The following HPSE2 variants were observed in gnomAD, a reference collection of about 807,000 sequenced individuals.
The protein encoded by HPSE2 is inactive heparanase-2.
A neutral mutation model predicts 60.5 loss-of-function variants in HPSE2; 38 were observed. That is an observed-to-expected ratio of 0.63 (90% CI 0.48 to 0.82). The LOEUF (loss-of-function observed/expected upper bound fraction) is 0.82, where lower values mean the gene tolerates loss of function less well. Ranked by LOEUF, HPSE2 falls within the 40% of genes least tolerant of loss-of-function variation. The pLI is 0.00. For missense variants in HPSE2, 713 were observed against 740.4 expected (o/e 0.96, Z 0.43); for synonymous variants, 295 against 293.2 (o/e 1.01, Z -0.06).
intron 3 of HPSE2, among the ~76,000 whole-genome samples, chr10:99,001,943 T>A (rs555073508): frequency 6.6e-6 from 1 of 152,202 alleles, no homozygotes; most frequent in Admixed American, 6.5e-5. Flanking sequence ...TCTGTTGCAG[T>A]GAATTAACTC....
the HPSE2 span, among the ~76,000 whole-genome samples, chr10:99,273,039 T>C: frequency 6.6e-6 from 1 of 152,114 alleles, no homozygotes; most frequent in Non-Finnish European, 1.5e-5. Context: ...AATCAGCAAG[T>C]GGATAAAGAA....
At chr10:98,547,369 G>A (rs560994322) in intron 9 of HPSE2, among the ~76,000 whole-genome samples, 17 of 150,158 alleles carry the variant, frequency 1.1e-4, no homozygotes, top group South Asian at 2.1e-4. Context: ...TGTTTATGGC[G>A]CCATTATTCA....
intron 3 of HPSE2, among the ~76,000 whole-genome samples, chr10:98,884,154 C>T (rs528899148): frequency 6.6e-6 from 1 of 152,250 alleles, no homozygotes; most frequent in South Asian, 2.1e-4. Context: ...AGAGCAAGGC[C>T]TTACCTCTCT....
At chr10:98,746,425 A>G (rs921914116) in intron 3 of HPSE2, among the ~76,000 whole-genome samples, 2 of 151,748 alleles carry the variant, frequency 1.3e-5, no homozygotes, top group African/African-American at 4.9e-5. Context: ...ACTATTCAAC[A>G]TCATTAATAC....
chr10:98,770,243 G>T (rs1393428702), intron 3 of HPSE2, among the ~76,000 whole-genome samples: 2 of 152,144 alleles, frequency 1.3e-5, no homozygotes, highest in Admixed American at 6.5e-5. Flanking sequence ...GCCAAAAAAA[G>T]GTTGTACAAA....
intron 9 of HPSE2, among the ~76,000 whole-genome samples, chr10:98,612,922 C>T (rs1297839095): frequency 6.6e-6 from 1 of 152,188 alleles, no homozygotes; most frequent in Non-Finnish European, 1.5e-5. Flanking sequence ...TCCAACCTCT[C>T]CCCCTTCCTC....
chr10:98,871,367 A>G (rs1327944907), intron 3 of HPSE2, among the ~76,000 whole-genome samples: 1 of 152,100 alleles, frequency 6.6e-6, no homozygotes, highest in Non-Finnish European at 1.5e-5. Flanking sequence ...ATAGGGAGCA[A>G]GACAGAACCA....
intron 9 of HPSE2, among the ~76,000 whole-genome samples, chr10:98,521,977 C>T (rs188492495): frequency 6.6e-6 from 1 of 151,958 alleles, no homozygotes; most frequent in Non-Finnish European, 1.5e-5. Flanking sequence ...ACACCGAGGC[C>T]TGTCAGGGGG....
chr10:98,846,997 A>C (rs1190858809), intron 3 of HPSE2, among the ~76,000 whole-genome samples: 1 of 152,194 alleles, frequency 6.6e-6, no homozygotes, highest in African/African-American at 2.4e-5. Context: ...ATCTCAGAGA[A>C]GTTTCAAGCA....
intron 3 of HPSE2, among the ~76,000 whole-genome samples, chr10:98,994,569 T>C (rs552090409): frequency 4.6e-5 from 7 of 152,356 alleles, no homozygotes; most frequent in Admixed American, 4.6e-4. Context: ...CATCTTGTCC[T>C]AGATATGCAT....
chr10:98,614,298 T>G (rs998966399), intron 9 of HPSE2, among the ~76,000 whole-genome samples: 20 of 150,086 alleles, frequency 1.3e-4, no homozygotes, highest in African/African-American at 2.5e-4. Flanking sequence ...ATTGTTTTGT[T>G]TTTTTTTTTT....
chr10:98,502,118 C>T (rs1052249159), intron 9 of HPSE2, among the ~76,000 whole-genome samples: 18 of 152,272 alleles, frequency 1.2e-4, no homozygotes, highest in Admixed American at 2.6e-4. Flanking sequence ...AATGACCATA[C>T]TTCCAAAAGC....
At position 98,942,125 on chromosome 10, in the gene HPSE2, C is replaced by A. The variant is rs1955026228; in HGVS notation, c.611-198069G>T. Among the ~76,000 whole-genome samples the A allele has an allele frequency of 1.4e-5, 2 of 139,574 alleles. 1 individual carries two copies. The highest frequency in any genetic ancestry group is 4.3e-4 in the South Asian group (2 of 4,620). 91.6% of individuals were successfully genotyped at this position (139,574 alleles called of 152,430 possible). ...AACATTAGACCTAAAACCATAAAAA[C>A]CCTAGAAGAAAACCTAGGCATTACC... On this transcript the variant is annotated intron_variant, in intron 3 of 11. Transcript: ENST00000370552.
chr10:99,312,567 GAA>G, the HPSE2 span, among the ~76,000 whole-genome samples: 3 of 152,172 alleles, frequency 2.0e-5, no homozygotes, highest in Admixed American at 1.3e-4. Flanking sequence ...CTACTGCTCA[GAA>G]AAAAAGATTC....
intron 2 of HPSE2, among the ~76,000 whole-genome samples, chr10:99,190,955 TG>T (rs1848199529): frequency 6.6e-6 from 1 of 152,130 alleles, no homozygotes; most frequent in South Asian, 2.1e-4. Context: ...GAAGAGTTCT[TG>T]GGCCTTGAGT....
At chr10:98,830,919 A>T (rs1189036629) in intron 3 of HPSE2, among the ~76,000 whole-genome samples, 1 of 152,174 alleles carries the variant, frequency 6.6e-6, no homozygotes, top group African/African-American at 2.4e-5. Context: ...ACATGAAGGC[A>T]TGCTTGAAAA....
At chr10:99,212,264 G>A (rs1392139016) in intron 2 of HPSE2, among the ~76,000 whole-genome samples, 5 of 151,952 alleles carry the variant, frequency 3.3e-5, no homozygotes, top group East Asian at 1.9e-4. Flanking sequence ...AAAACAGTAC[G>A]GAAGTTCCTC....
intron 2 of HPSE2, among the ~76,000 whole-genome samples, chr10:99,214,321 A>C (rs1443390530): frequency 2.6e-5 from 4 of 152,222 alleles, no homozygotes; most frequent in Admixed American, 2.0e-4. Flanking sequence ...GGATAGAATT[A>C]CCACATGACC....
intron 2 of HPSE2, among the ~76,000 whole-genome samples, chr10:99,146,279 A>G (rs1027766229): frequency 2.0e-5 from 3 of 152,156 alleles, no homozygotes; most frequent in Non-Finnish European, 4.4e-5. Flanking sequence ...CAAACCCTAA[A>G]CACAATCCCT....
Sources: allele counts gnomAD v4.1 joint callset (sites outside exome capture counted in the v4.1 genomes callset), GRCh38; gene constraint gnomAD v4.1.1; transcripts MANE v1.5; gene names NCBI Gene and HGNC (gene_info 2026-07-23, HGNC 2026-07-21).